VSNL1: variants seen among roughly 807,000 people sequenced by gnomAD.
VSNL1 encodes visinin like 1.
A neutral mutation model predicts 20.4 loss-of-function variants in VSNL1; 6 were observed. That is an observed-to-expected ratio of 0.29 (90% CI 0.16 to 0.58). The LOEUF (loss-of-function observed/expected upper bound fraction) is 0.58, where lower values mean the gene tolerates loss of function less well. Among genes scored for constraint, VSNL1 ranks in the 20% least tolerant of loss-of-function variants. The pLI is 0.90. For synonymous variants in VSNL1, 93 were observed against 86.4 expected, an observed-to-expected ratio of 1.08 and a Z score of -0.42; for missense variants, 100 against 234.5, an observed-to-expected ratio of 0.43 and a Z score of 3.75.
intron 1 of VSNL1, among the ~76,000 whole-genome samples, chr2:17,577,383 A>T (rs910142153): frequency 6.6e-6 from 1 of 152,194 alleles, no homozygotes; most frequent in African/African-American, 2.4e-5. Context: ...TTGAACTGCT[A>T]TCAAGAGGTG....
chr2:17,591,010 ATTAT>A (rs1007135192), intron 1 of VSNL1, among the ~76,000 whole-genome samples: 4 of 152,128 alleles, frequency 2.6e-5, no homozygotes, highest in Non-Finnish European at 5.9e-5. Context: ...TAGTCTTATT[ATTAT>A]TTATTATAAA....
intron 2 of VSNL1, among the ~76,000 whole-genome samples, chr2:17,646,789 C>A (rs1488908697): frequency 6.6e-6 from 1 of 152,130 alleles, no homozygotes; most frequent in East Asian, 1.9e-4. Context: ...AAATACTGTG[C>A]TTTTCAGGCC....
chr2:17,588,287 A>G (rs1664523374), intron 1 of VSNL1, among the ~76,000 whole-genome samples: 1 of 152,196 alleles, frequency 6.6e-6, no homozygotes, highest in African/African-American at 2.4e-5. Context: ...TTTCATATTT[A>G]CAAAACCTAT....
At chr2:17,623,025 T>C (rs1367873533) in intron 2 of VSNL1, among the ~76,000 whole-genome samples, 1 of 152,230 alleles carries the variant, frequency 6.6e-6, no homozygotes, top group African/African-American at 2.4e-5. Flanking sequence ...CAGGGATCCT[T>C]TTTTATCTGT....
chr2:17,563,219 A>G (rs1193517607), intron 1 of VSNL1, among the ~76,000 whole-genome samples: 1 of 152,240 alleles, frequency 6.6e-6, no homozygotes, highest in Non-Finnish European at 1.5e-5. Flanking sequence ...TACATAATGC[A>G]TTATCCTCAG....
chr2:17,601,939 AAAG>A (rs1222816671), intron 2 of VSNL1, among the ~76,000 whole-genome samples: 1 of 152,238 alleles, frequency 6.6e-6, no homozygotes, highest in Non-Finnish European at 1.5e-5. Flanking sequence ...CCACCTAAAA[AAAG>A]TAAAAGAAAA....
chr2:17,590,299 C>G (rs992054581), intron 1 of VSNL1, among the ~76,000 whole-genome samples: 1 of 152,164 alleles, frequency 6.6e-6, no homozygotes, highest in African/African-American at 2.4e-5. Context: ...AATAATACAT[C>G]TTTTGATTTT....
rs1665387921 is a variant in VSNL1 at position 17,622,519 on chromosome 2, AAAAGAAAGAAAGAAAAG to A, written c.163-26875_163-26859del. Among the ~76,000 whole-genome samples the A allele has an allele frequency of 4.1e-5, 5 of 121,282 alleles. No homozygotes were observed. The South Asian group carries it at 9.8e-4, about 24-fold the overall frequency. 79.6% of individuals were successfully genotyped at this position (121,282 alleles called of 152,430 possible). On this transcript the variant is annotated intron_variant, in intron 2 of 3. Coordinates refer to ENST00000295156, the MANE Select transcript of VSNL1 (RefSeq NM_003385.5). ...TCTCAAAAAAAAAAAAGAAAGAAAG[AAAAGAAAGAAAGAAAAG>A]AAAGAAAGAAAGAAAGAAAGAAAGA...
chr2:17,593,114 G>A (rs951518921), intron 2 of VSNL1, among the ~76,000 whole-genome samples: 1 of 152,186 alleles, frequency 6.6e-6, no homozygotes, highest in Non-Finnish European at 1.5e-5. Flanking sequence ...ATATGTGTAT[G>A]TGAAATGATT....
chr2:17,592,914 A>C (rs1664628787), intron 2 of VSNL1, among the ~76,000 whole-genome samples: 1 of 152,084 alleles, frequency 6.6e-6, no homozygotes, highest in Admixed American at 6.6e-5. Context: ...CTGAGTCTAC[A>C]AGTTGTATTG....
intron 1 of VSNL1, among the ~76,000 whole-genome samples, chr2:17,579,147 G>A (rs1045237397): frequency 1.3e-5 from 2 of 149,344 alleles, no homozygotes; most frequent in Non-Finnish European, 3.0e-5. Flanking sequence ...ACGGAGTCTC[G>A]CTCTGTCGCC....
chr2:17,552,874 G>T (rs1162975069), intron 1 of VSNL1, among the ~76,000 whole-genome samples: 3 of 152,152 alleles, frequency 2.0e-5, no homozygotes, highest in Non-Finnish European at 4.4e-5. Flanking sequence ...GGATTAAAGA[G>T]ATGTGGCTTT....
At chr2:17,643,680 A>G (rs1665931212) in intron 2 of VSNL1, among the ~76,000 whole-genome samples, 1 of 152,204 alleles carries the variant, frequency 6.6e-6, no homozygotes, top group African/African-American at 2.4e-5. Context: ...CAATCCTGTG[A>G]ACATTTCTTC....
rs960841071 is a variant in VSNL1, at chr2:17,649,821, G to A, written c.378+196G>A. ...GTCCCAGAACCAAGCCATGGGGCCC[G>A]TACTGTCGTGACGGTGGCATTGTCA... On this transcript the variant is annotated intron_variant, in intron 3 of 3. Transcript: ENST00000295156. The surrounding 1 kb of genome is among the most constrained non-coding windows in gnomAD (Gnocchi z 6.4). Among the ~76,000 whole-genome samples, 11 of 152,194 alleles carry A rather than the reference G, an allele frequency of 7.2e-5. No homozygotes were observed. The highest frequency in any genetic ancestry group is 1.4e-4 in the African/African-American group (6 of 41,448).
chr2:17,549,073 C>T (rs1482604194), intron 1 of VSNL1, among the ~76,000 whole-genome samples: 1 of 152,212 alleles, frequency 6.6e-6, no homozygotes, highest in Non-Finnish European at 1.5e-5. Flanking sequence ...CCTTTTCCCC[C>T]AAGGTGCCCT....
At chr2:17,625,944 T>C (rs1665499807) in intron 2 of VSNL1, among the ~76,000 whole-genome samples, 1 of 150,494 alleles carries the variant, frequency 6.6e-6, no homozygotes. Context: ...GTCGTTGGGA[T>C]TAGGATTACA....
chr2:17,611,590 A>C (rs1665089026), intron 2 of VSNL1, among the ~76,000 whole-genome samples: 1 of 152,230 alleles, frequency 6.6e-6, no homozygotes, highest in Non-Finnish European at 1.5e-5. Flanking sequence ...GAGTAGACTA[A>C]GAGGAGGTTT....
chr2:17,650,904 T>C (rs1031201476), intron 3 of VSNL1, among the ~76,000 whole-genome samples: 1 of 152,206 alleles, frequency 6.6e-6, no homozygotes, highest in African/African-American at 2.4e-5. Context: ...CAAACTAACA[T>C]CTTAGTTCTT....
chr2:17,543,920 T>C (rs900631127), intron 1 of VSNL1, among the ~76,000 whole-genome samples: 8 of 152,190 alleles, frequency 5.3e-5, no homozygotes. Flanking sequence ...GCCTATACAA[T>C]AACATTCTAT....
Sources: gnomAD v4.1 joint callset for allele counts (sites outside exome capture counted in the v4.1 genomes callset) on GRCh38, gnomAD v4.1.1 for gene constraint, Gnocchi (gnomAD v3.1) non-coding constraint, MANE v1.5 for transcripts, NCBI Gene and HGNC (gene_info 2026-07-23, HGNC 2026-07-21) for gene names.